Variants in MEGF11 observed in about 807,000 individuals in gnomAD.
The protein encoded by MEGF11 is multiple EGF like domains 11.
Under a neutral mutation model 146.6 loss-of-function variants are expected in MEGF11, and 126 were observed. The ratio of observed to expected loss-of-function variants is 0.86; its 90% CI spans 0.74 to 1.00. The LOEUF (loss-of-function observed/expected upper bound fraction) is 1.00, where lower values mean the gene tolerates loss of function less well. Ranked by LOEUF, MEGF11 falls within the 50% of genes least tolerant of loss-of-function variation. The pLI is 0.00. For synonymous variants in MEGF11, 532 were observed against 583.4 expected (o/e 0.91, Z 1.27); for missense variants, 1,509 against 1,521.2 (o/e 0.99, Z 0.13).
At chr15:66,249,609 T>A (rs1363132477) in intron 1 of MEGF11, among the ~76,000 whole-genome samples, 1 of 152,204 alleles carries the variant, frequency 6.6e-6, no homozygotes, top group Non-Finnish European at 1.5e-5. Context: ...GCAAGTCTTA[T>A]GAGTTCCTAG....
chr15:66,080,876 G>A (rs775235444), intron 5 of MEGF11, among the ~76,000 whole-genome samples: 67 of 152,342 alleles, frequency 4.4e-4, no homozygotes, highest in South Asian at 1.2e-3. Context: ...GCAGAAGGCG[G>A]CCCAGGCGGG....
At chr15:66,069,994 C>G (rs1248059107) in intron 5 of MEGF11, among the ~76,000 whole-genome samples, 1 of 152,176 alleles carries the variant, frequency 6.6e-6, no homozygotes, top group Non-Finnish European at 1.5e-5. Flanking sequence ...GACCACCGCT[C>G]TAAGAAAACT....
At position 66,009,623 on chromosome 15, in the gene MEGF11, C is replaced by A. The variant is rs571523052; in HGVS notation, c.395-27135G>T. 4.7e-5 allele frequency among the ~76,000 whole-genome samples: 7 copies of A among 149,510 alleles called. No individual in the cohort carries two copies. In the South Asian group the frequency reaches 1.5e-3, roughly 32 times the overall value. On this transcript the variant is annotated intron_variant, in intron 5 of 25. Transcript: ENST00000395614. The stretch of plus-strand genomic sequence containing the variant: ...TTTTTTTTTTTTTGAGACAGAGTCT[C>A]GCTCTGTTGCCCAGGCTGGAGTGCA...
chr15:66,238,749 G>A (rs560506501), intron 1 of MEGF11, among the ~76,000 whole-genome samples: 1 of 152,222 alleles, frequency 6.6e-6, no homozygotes, highest in South Asian at 2.1e-4. Flanking sequence ...TAACTTAAAG[G>A]CCACCTTTTT....
chr15:65,910,428 C>T (rs890593284), intron 21 of MEGF11, among the ~76,000 whole-genome samples: 5 of 152,148 alleles, frequency 3.3e-5, no homozygotes, highest in South Asian at 4.1e-4. Context: ...TGAACACACA[C>T]GAGTCAGTGA....
chr15:66,102,372 A>G (rs573627469), intron 4 of MEGF11, among the ~76,000 whole-genome samples: 56 of 73,796 alleles, frequency 7.6e-4, no homozygotes, highest in Middle Eastern at 7.1e-3. Context: ...CATTTCCATG[A>G]TGAAGACTAG....
chr15:66,037,525 A>G (rs2083770117), intron 5 of MEGF11, among the ~76,000 whole-genome samples: 1 of 151,948 alleles, frequency 6.6e-6, no homozygotes, highest in Non-Finnish European at 1.5e-5. Flanking sequence ...GTCCATAGAG[A>G]AGCACCTGGC....
At chr15:66,030,664 C>G (rs558424367) in intron 5 of MEGF11, among the ~76,000 whole-genome samples, 108 of 152,268 alleles carry the variant, frequency 7.1e-4, no homozygotes, top group Non-Finnish European at 1.2e-3. Flanking sequence ...CCTGCCTCGG[C>G]CTCCCAAAGT....
chr15:66,109,408 G>A (rs974045009), intron 4 of MEGF11, among the ~76,000 whole-genome samples: 3 of 152,122 alleles, frequency 2.0e-5, no homozygotes, highest in African/African-American at 4.8e-5. Flanking sequence ...TCTGCCAGAC[G>A]AGGCCCTCCC....
chr15:66,092,108 A>G (rs1257161635), intron 5 of MEGF11, among the ~76,000 whole-genome samples: 1 of 149,920 alleles, frequency 6.7e-6, no homozygotes, highest in East Asian at 2.0e-4. Context: ...TATTATGAGC[A>G]AGAACCAATC....
At chr15:66,242,205 G>C (rs2092223321) in intron 1 of MEGF11, among the ~76,000 whole-genome samples, 1 of 151,954 alleles carries the variant, frequency 6.6e-6, no homozygotes, top group East Asian at 1.9e-4. Flanking sequence ...CCAGGAGTTT[G>C]AGACCAGCCT....
chr15:65,958,280 C>T (rs573900705), intron 9 of MEGF11, among the ~76,000 whole-genome samples: 20 of 152,362 alleles, frequency 1.3e-4, no homozygotes, highest in East Asian at 9.6e-4. Flanking sequence ...CCCCAACCTA[C>T]GCTTTGCCAG....
intron 5 of MEGF11, among the ~76,000 whole-genome samples, chr15:66,083,635 A>T (rs1288432817): frequency 6.9e-6 from 1 of 144,720 alleles, no homozygotes; most frequent in African/African-American, 2.5e-5. Context: ...TGGACTTCAT[A>T]AAAAAAAAAA....
intron 1 of MEGF11, among the ~76,000 whole-genome samples, chr15:66,164,085 G>C (rs2090032858): frequency 6.6e-6 from 1 of 152,116 alleles, no homozygotes; most frequent in Non-Finnish European, 1.5e-5. Context: ...AGGGTTGTTG[G>C]ATTTGCAGGG....
chr15:66,141,243 T>G lies in MEGF11; in HGVS notation c.-8-12832A>C, dbSNP rs1371520429. On this transcript the variant is annotated intron_variant, in intron 1 of 25. Coordinates refer to ENST00000395614, the MANE Select transcript of MEGF11 (RefSeq NM_001385028.1). ...TCCTGCAGACTCAGGGGTGTGTGTG[T>G]GTGTGTGTGTGTGTGTGTGTGTGTG... Among the ~76,000 whole-genome samples the G allele has an allele frequency of 4.2e-4, 24 of 57,508 alleles. 1 individual carries two copies. The highest frequency in any genetic ancestry group is 1.1e-3 in the Admixed American group (7 of 6,144). The allele number at this position is 57,508 out of a possible 152,430, so 37.7% of individuals were successfully genotyped here.
At chr15:66,249,479 G>T (rs1047192114) in intron 1 of MEGF11, among the ~76,000 whole-genome samples, 1 of 152,044 alleles carries the variant, frequency 6.6e-6, no homozygotes, top group Non-Finnish European at 1.5e-5. Flanking sequence ...TCCAATACAC[G>T]ACACCTATTT....
intron 5 of MEGF11, among the ~76,000 whole-genome samples, chr15:66,078,699 C>T (rs908366912): frequency 2.0e-5 from 3 of 152,178 alleles, no homozygotes; most frequent in African/African-American, 7.2e-5. Context: ...CCTTTTCACA[C>T]CTGTGTGGGG....
intron 5 of MEGF11, among the ~76,000 whole-genome samples, chr15:65,998,166 G>A (rs1453106211): frequency 6.6e-6 from 1 of 152,208 alleles, no homozygotes; most frequent in Non-Finnish European, 1.5e-5. Context: ...CATGAAAGCA[G>A]TAAAGCAGGA....
At chr15:66,150,182 G>A (rs1052728230) in intron 1 of MEGF11, among the ~76,000 whole-genome samples, 1 of 152,196 alleles carries the variant, frequency 6.6e-6, no homozygotes, top group African/African-American at 2.4e-5. Flanking sequence ...TCCAGCCCCC[G>A]AGCAGGGAGC....
Sources: gnomAD v4.1 joint callset for allele counts (sites outside exome capture counted in the v4.1 genomes callset) on GRCh38, gnomAD v4.1.1 for gene constraint, MANE v1.5 for transcripts, NCBI Gene and HGNC (gene_info 2026-07-23, HGNC 2026-07-21) for gene names.